SIPA1L2: variants seen among roughly 807,000 people sequenced by gnomAD.
SIPA1L2 encodes signal-induced proliferation-associated 1-like protein 2.
SIPA1L2 carries 56 observed loss-of-function variants against 163.9 expected under a neutral mutation model. That is an observed-to-expected ratio of 0.34 (90% CI 0.28 to 0.43). The LOEUF (loss-of-function observed/expected upper bound fraction) is 0.43. Ranked by LOEUF, SIPA1L2 falls within the 20% of genes least tolerant of loss-of-function variation. The pLI, the probability that SIPA1L2 is intolerant of heterozygous loss-of-function variation, is 1.00. For synonymous variants in SIPA1L2, 877 were observed against 865.7 expected, an observed-to-expected ratio of 1.01 and a Z score of -0.23; for missense variants, 1,974 against 2,193.5, an observed-to-expected ratio of 0.90 and a Z score of 2.00.
intron 6 of SIPA1L2, among the ~76,000 whole-genome samples, chr1:232,483,154 G>A (rs1327032222): frequency 1.3e-5 from 2 of 152,022 alleles, no homozygotes; most frequent in African/African-American, 4.8e-5. Flanking sequence ...TAAAGCCCAT[G>A]TTTTGGATTG....
chr1:232,455,730 A>AAAAAAAAAG (rs1290555931), intron 10 of SIPA1L2, among the ~76,000 whole-genome samples: 1 of 151,780 alleles, frequency 6.6e-6, no homozygotes, highest in African/African-American at 2.4e-5. Context: ...AAAAAAAAAA[A>AAAAAAAAAG]AGAGAAAATT....
At chr1:232,571,990 T>C (rs1442529310) in intron 2 of SIPA1L2, among the ~76,000 whole-genome samples, 1 of 152,218 alleles carries the variant, frequency 6.6e-6, no homozygotes, top group Admixed American at 6.5e-5. Context: ...GCATCACAAA[T>C]GTGCTCCCTA....
At chr1:232,616,253 A>G (rs1432043954) in intron 1 of SIPA1L2, among the ~76,000 whole-genome samples, 1 of 152,236 alleles carries the variant, frequency 6.6e-6, no homozygotes, top group Non-Finnish European at 1.5e-5. Context: ...CAAGAGTTCT[A>G]ACATCCAGCA....
intron 10 of SIPA1L2, among the ~76,000 whole-genome samples, chr1:232,450,486 A>C (rs1022098791): frequency 6.6e-6 from 1 of 152,236 alleles, no homozygotes. Flanking sequence ...CGATGCTCTA[A>C]GCGTCACTGG....
At chr1:232,488,575 C>T (rs191927199) in intron 5 of SIPA1L2, among the ~76,000 whole-genome samples, 134 of 152,236 alleles carry the variant, frequency 8.8e-4, no homozygotes, top group African/African-American at 2.9e-3. Flanking sequence ...GTTTGAACAT[C>T]GTTAAGAAAG....
intron 2 of SIPA1L2, among the ~76,000 whole-genome samples, chr1:232,546,581 G>A (rs1005448945): frequency 7.9e-5 from 12 of 152,158 alleles, no homozygotes; most frequent in East Asian, 3.8e-4. Flanking sequence ...CCTACTCTGC[G>A]TGGCAAACTG....
intron 2 of SIPA1L2, among the ~76,000 whole-genome samples, chr1:232,523,172 T>C (rs1215292762): frequency 1.3e-5 from 2 of 152,230 alleles, no homozygotes; most frequent in Non-Finnish European, 2.9e-5. Flanking sequence ...CAATTTCTGG[T>C]AGTAAACTGC....
intron 1 of SIPA1L2, among the ~76,000 whole-genome samples, chr1:232,588,308 A>T (rs1003719681): frequency 3.9e-5 from 6 of 152,240 alleles, no homozygotes; most frequent in African/African-American, 1.4e-4. Context: ...TTTAAAGAAA[A>T]GAAACAAAAC....
chr1:232,616,789 C>A (rs1208698429), intron 1 of SIPA1L2, among the ~76,000 whole-genome samples: 1 of 152,180 alleles, frequency 6.6e-6, no homozygotes, highest in Non-Finnish European at 1.5e-5. Context: ...CCCGGTACAG[C>A]TGATGAAAAC....
At chr1:232,497,298 T>A (rs1250572255) in intron 3 of SIPA1L2, among the ~76,000 whole-genome samples, 1 of 152,142 alleles carries the variant, frequency 6.6e-6, no homozygotes, top group Non-Finnish European at 1.5e-5. Context: ...TTTAGAAAAG[T>A]CAATTTTACT....
rs778929367 is a variant in SIPA1L2, at chr1:232,515,157, A to G, written c.183T>C (p.Gly61=). ...CTGGGGTACCATTAGCCGGACCACC[A>G]CCGCCAGTCTCATTGGAATTCGAGG... The part of the protein sequence containing the change: ...LNASNSNETG[G]GGPANGTPAV... Residue 61 remains glycine, a synonymous_variant, in exon 3 of 23, where the codon GGT becomes GGC. Coordinates refer to ENST00000674635, the MANE Select transcript of SIPA1L2 (RefSeq NM_020808.5). The G allele has an allele frequency of 6.2e-7, 1 of 1,612,904 alleles. No homozygotes were observed. The highest frequency in any genetic ancestry group is 1.1e-5 in the South Asian group (1 of 91,074).
At chr1:232,430,702 G>C (rs533815467) in intron 16 of SIPA1L2, among the ~76,000 whole-genome samples, 5 of 152,318 alleles carry the variant, frequency 3.3e-5, no homozygotes, top group African/African-American at 1.2e-4. Context: ...CTGACCAGGA[G>C]CCCTGGTCTC....
intron 14 of SIPA1L2, 144 bp downstream of exon 14, chr1:232,441,147 T>C: frequency 1.6e-6 from 1 of 613,800 alleles, no homozygotes; most frequent in South Asian, 2.9e-5. Context: ...ATCAGGAAGA[T>C]AGTTTCCTTT....
chr1:232,536,408 A>G (rs1264074741), intron 2 of SIPA1L2, among the ~76,000 whole-genome samples: 1 of 152,154 alleles, frequency 6.6e-6, no homozygotes, highest in Non-Finnish European at 1.5e-5. Flanking sequence ...GCTCAAAACT[A>G]TATTCTAGCC....
At chr1:232,516,297 T>C (rs1237352104) in intron 2 of SIPA1L2, among the ~76,000 whole-genome samples, 2 of 152,190 alleles carry the variant, frequency 1.3e-5, no homozygotes, top group African/African-American at 2.4e-5. Context: ...TACATTGCAG[T>C]AGTGAGATAC....
Position 232,399,096 on chromosome 1 carries a change from C to T in SIPA1L2, c.*31G>A. On this transcript the variant is annotated 3_prime_UTR_variant, in exon 23 of 23. Transcript: ENST00000674635. ...GACTTCAAAGGGACAAGGGGCATTT[C>T]CCAGTGGTCCCTTGATGAGGTGCGG... 1 of 1,613,574 alleles carries T rather than the reference C, an allele frequency of 6.2e-7. No individual in the cohort carries two copies. Among genetic ancestry groups the T allele is most frequent in the Non-Finnish European group, 8.5e-7 (1 of 1,179,674 alleles).
At chr1:232,555,683 G>T (rs1248820134) in intron 2 of SIPA1L2, among the ~76,000 whole-genome samples, 1 of 152,148 alleles carries the variant, frequency 6.6e-6, no homozygotes, top group African/African-American at 2.4e-5. Flanking sequence ...AAAATCAGCA[G>T]ATTCAAAAAA....
chr1:232,412,921 T>A (rs1257785127), intron 19 of SIPA1L2, among the ~76,000 whole-genome samples: 1 of 152,224 alleles, frequency 6.6e-6, no homozygotes, highest in African/African-American at 2.4e-5. Flanking sequence ...ATGTTAAAGC[T>A]CAGATAACCA....
chr1:232,417,641 G>GAAA (rs1471234370), intron 18 of SIPA1L2, among the ~76,000 whole-genome samples: 2 of 152,014 alleles, frequency 1.3e-5, no homozygotes, highest in Non-Finnish European at 2.9e-5. Context: ...TGCTTAGGAA[G>GAAA]AAAGGGTTCC....
Sources: allele counts gnomAD v4.1 joint callset (sites outside exome capture counted in the v4.1 genomes callset), GRCh38; gene constraint gnomAD v4.1.1; transcripts MANE v1.5; gene names NCBI Gene and HGNC (gene_info 2026-07-23, HGNC 2026-07-21).